The following JCAD variants were observed in gnomAD, a reference collection of about 807,000 sequenced individuals.
JCAD encodes junctional cadherin 5-associated protein.
A neutral mutation model predicts 98.0 loss-of-function variants in JCAD; 40 were observed. The observed-to-expected ratio is 0.41, with a 90% CI of 0.32 to 0.53. The LOEUF is 0.53. Ranked by LOEUF, JCAD falls within the 20% of genes least tolerant of loss-of-function variation. The pLI, the probability that JCAD is intolerant of heterozygous loss-of-function variation, is 0.31. For missense variants in JCAD, 1,705 were observed against 1,738.1 expected (o/e 0.98, Z 0.34); for synonymous variants, 691 against 682.3 (o/e 1.01, Z -0.20).
intron 1 of JCAD, among the ~76,000 whole-genome samples, chr10:30,111,051 C>G (rs956421774): frequency 6.6e-6 from 1 of 152,040 alleles, no homozygotes; most frequent in African/African-American, 2.4e-5. Context: ...GATGTATAGA[C>G]CAGCTAATGG....
chr10:30,075,196 G>A (rs1478311599), intron 1 of JCAD, among the ~76,000 whole-genome samples: 1 of 152,140 alleles, frequency 6.6e-6, no homozygotes, highest in Non-Finnish European at 1.5e-5. Context: ...GAAGGAAAAG[G>A]CCTTGGAATC....
intron 1 of JCAD, among the ~76,000 whole-genome samples, chr10:30,112,489 A>G (rs1666480250): frequency 6.6e-6 from 1 of 152,182 alleles, no homozygotes; most frequent in South Asian, 2.1e-4. Context: ...TCTCTTTAGA[A>G]AAATTAAATT....
intron 2 of JCAD, among the ~76,000 whole-genome samples, chr10:30,046,339 G>C (rs891385579): frequency 1.3e-5 from 2 of 152,088 alleles, no homozygotes; most frequent in South Asian, 2.1e-4. Context: ...TGTTCCCCTA[G>C]CTAAACCGCC....
At chr10:30,112,894 A>T (rs1040528861) in intron 1 of JCAD, among the ~76,000 whole-genome samples, 6 of 146,152 alleles carry the variant, frequency 4.1e-5, no homozygotes, top group Non-Finnish European at 9.1e-5. Context: ...AAAAAAATCC[A>T]TAGAGATGAA....
chr10:30,036,905 C>A (rs534563735), intron 2 of JCAD, among the ~76,000 whole-genome samples: 6 of 152,326 alleles, frequency 3.9e-5, no homozygotes, highest in Admixed American at 1.3e-4. Context: ...GCTTTCCAAC[C>A]CTAGTGTCAT....
Position 30,027,526 on chromosome 10 carries a change from G to A in JCAD, c.2622C>T (p.Cys874=). The A allele has an allele frequency of 6.2e-7, 1 of 1,612,476 alleles. No individual in the cohort carries two copies. The highest frequency in any genetic ancestry group is 1.1e-5 in the South Asian group (1 of 91,082). Residue 874 remains cysteine, a synonymous_variant, in exon 3 of 4, where the codon TGC becomes TGT. Coordinates refer to ENST00000375377, the MANE Select transcript of JCAD (RefSeq NM_020848.4). ...AEPQQENRAH[C]RQEDVGFRGN... is the part of the protein sequence containing the mutation. The stretch of plus-strand genomic sequence containing the variant: ...CGCGGAAGCCCACATCCTCCTGTCT[G>A]CAGTGAGCACGGTTCTCCTGCTGCG...
intron 3 of JCAD, among the ~76,000 whole-genome samples, chr10:30,019,027 A>G (rs1202138314): frequency 1.3e-5 from 2 of 152,190 alleles, no homozygotes; most frequent in African/African-American, 4.8e-5. Flanking sequence ...GAAACTACCT[A>G]ATCATCAAGG....
At chr10:30,090,907 A>G (rs1269913516) in intron 1 of JCAD, among the ~76,000 whole-genome samples, 1 of 152,226 alleles carries the variant, frequency 6.6e-6, no homozygotes, top group African/African-American at 2.4e-5. Context: ...AGCCGGATGC[A>G]GGCAAAGCCT....
At chr10:30,078,165 T>C (rs141861547) in intron 1 of JCAD, among the ~76,000 whole-genome samples, 2 of 152,324 alleles carry the variant, frequency 1.3e-5, no homozygotes, top group East Asian at 3.9e-4. Flanking sequence ...TTTTTCTAAT[T>C]TAGTCACTAA....
At chr10:30,083,748 C>T (rs1838123013) in intron 1 of JCAD, among the ~76,000 whole-genome samples, 1 of 152,154 alleles carries the variant, frequency 6.6e-6, no homozygotes, top group Non-Finnish European at 1.5e-5. Flanking sequence ...GAAAAGGTGG[C>T]TGGGCGCGAT....
At chr10:30,102,901 T>G (rs1161464133) in intron 1 of JCAD, among the ~76,000 whole-genome samples, 1 of 152,058 alleles carries the variant, frequency 6.6e-6, no homozygotes, top group Non-Finnish European at 1.5e-5. Context: ...GCAGGGGAAC[T>G]CCCCTTTATG....
chr10:30,072,910 T>A (rs1287309480), intron 1 of JCAD, among the ~76,000 whole-genome samples: 2 of 152,194 alleles, frequency 1.3e-5, no homozygotes, highest in African/African-American at 4.8e-5. Flanking sequence ...AGTGCTGGGA[T>A]TACAGGTGTG....
chr10:30,052,376 G>A (rs1837488512), intron 1 of JCAD, among the ~76,000 whole-genome samples: 1 of 152,236 alleles, frequency 6.6e-6, no homozygotes, highest in Non-Finnish European at 1.5e-5. Flanking sequence ...CTAGGAAGCA[G>A]GCCCCTTTCT....
In JCAD at chr10:30,014,880, C is replaced by T. The variant is rs1836503459; in HGVS notation, c.*3003G>A. 6.6e-6 allele frequency: 1 copy of T among 152,140 alleles called. No homozygotes were observed. The highest frequency in any genetic ancestry group is 1.5e-5 in the Non-Finnish European group (1 of 68,040). The allele number at this position is 152,140 out of a possible 1,614,324, so 9.4% of individuals were successfully genotyped here. The stretch of plus-strand genomic sequence containing the variant: ...AACTCTGCTAAGGAAACCAGGATCT[C>T]AAAGAACAGATTCATGTTTTAGGGA... On this transcript the variant is annotated 3_prime_UTR_variant, in exon 4 of 4. Coordinates refer to ENST00000375377, the MANE Select transcript of JCAD (RefSeq NM_020848.4).
chr10:30,020,685 T>C (rs1836644851), intron 3 of JCAD, among the ~76,000 whole-genome samples: 1 of 152,190 alleles, frequency 6.6e-6, no homozygotes, highest in Non-Finnish European at 1.5e-5. Context: ...TGTTGATGCT[T>C]AACAACATCC....
intron 1 of JCAD, among the ~76,000 whole-genome samples, chr10:30,052,770 T>C (rs1170156353): frequency 2.0e-5 from 3 of 152,320 alleles, no homozygotes; most frequent in African/African-American, 7.2e-5. Flanking sequence ...TGCGATGCTA[T>C]GGTCTAGGTG....
intron 1 of JCAD, among the ~76,000 whole-genome samples, chr10:30,108,566 T>A (rs901512077): frequency 6.6e-6 from 1 of 152,188 alleles, no homozygotes; most frequent in Non-Finnish European, 1.5e-5. Context: ...CATCGTTCAT[T>A]GTTCATTGTT....
chr10:30,052,392 C>A (rs1449082825), intron 1 of JCAD, among the ~76,000 whole-genome samples: 1 of 152,214 alleles, frequency 6.6e-6, no homozygotes, highest in Non-Finnish European at 1.5e-5. Flanking sequence ...TTTCTCTAGC[C>A]TATTCTCGCC....
chr10:30,071,464 G>A (rs868226411), intron 1 of JCAD, among the ~76,000 whole-genome samples: 6 of 152,118 alleles, frequency 3.9e-5, no homozygotes, highest in Non-Finnish European at 7.4e-5. Context: ...TTCAAGCCAC[G>A]TGATGTACAA....
Sources: gnomAD v4.1 joint callset for allele counts (sites outside exome capture counted in the v4.1 genomes callset) on GRCh38, gnomAD v4.1.1 for gene constraint, MANE v1.5 for transcripts, NCBI Gene and HGNC (gene_info 2026-07-23, HGNC 2026-07-21) for gene names.